The following PGBD2 variants were observed in gnomAD, a reference collection of about 807,000 sequenced individuals.
PGBD2 encodes piggyBac transposable element derived 2, also known as piggyBac transposable element-derived protein 2.
In PGBD2, 6 loss-of-function variants were observed where a neutral mutation model predicts 8.1. The observed-to-expected ratio is 0.74, with a 90% CI of 0.40 to 1.46. PGBD2 has a LOEUF of 1.46. Among genes scored for constraint, PGBD2 ranks in the 40% most tolerant of loss-of-function variants. The pLI, the probability that PGBD2 is intolerant of heterozygous loss-of-function variation, is 0.02. For synonymous variants in PGBD2, 318 were observed against 272.2 expected (o/e 1.17, Z -1.66); for missense variants, 802 against 739.0 (o/e 1.09, Z -0.99).
chr1:248,919,378 T>C (rs1030661808), downstream of PGBD2: 1 of 166,688 alleles, frequency 6.0e-6, no homozygotes, highest in Non-Finnish European at 1.5e-5. Flanking sequence ...CTTAACATAA[T>C]GACCTCCAGT....
rs1237142154 is a variant in PGBD2, at chr1:248,916,761, A to G, written c.177A>G (p.Ser59=). 7 of 1,614,032 alleles carry G rather than the reference A, an allele frequency of 4.3e-6. No individual in the cohort carries two copies. Among genetic ancestry groups the G allele is most frequent in the Non-Finnish European group, 5.9e-6 (7 of 1,180,026 alleles). The change falls in exon 3 of 3, where the codon TCA becomes TCG. Residue 59 remains serine (S), a synonymous_variant. Transcript: ENST00000329291. The part of the protein sequence containing the change: ...NAAGEFTDED[S]GDEDSQRGAH... ...CGGGGGAATTCACTGATGAGGACTC[A>G]GGGGATGAAGACAGCCAGCGAGGTG...
At chr1:248,874,268 A>G in the PGBD2 span, among the ~76,000 whole-genome samples, 13 of 152,268 alleles carry the variant, frequency 8.5e-5, no homozygotes, top group Admixed American at 3.3e-4. Flanking sequence ...TCTAGTGGTT[A>G]GGATTCGGCG....
upstream of PGBD2, among the ~76,000 whole-genome samples, chr1:248,902,975 C>T (rs373198813): frequency 1.9e-3 from 292 of 152,182 alleles, 1 homozygote; most frequent in African/African-American, 6.2e-3. Context: ...ACCTATATAA[C>T]AAACCTGCAC....
At chr1:248,873,002 C>T in the PGBD2 span, among the ~76,000 whole-genome samples, 1 of 151,818 alleles carries the variant, frequency 6.6e-6, no homozygotes, top group Non-Finnish European at 1.5e-5. Flanking sequence ...TTTGGTTTTT[C>T]CTCACACTCT....
At chr1:248,909,728 T>A (rs1332501101) in intron 1 of PGBD2, among the ~76,000 whole-genome samples, 1 of 151,964 alleles carries the variant, frequency 6.6e-6, no homozygotes, top group African/African-American at 2.4e-5. Flanking sequence ...TTGCAGGGGA[T>A]CCCATAGGCA....
chr1:248,903,932 A>G (rs893758006), upstream of PGBD2, among the ~76,000 whole-genome samples: 5 of 152,236 alleles, frequency 3.3e-5, no homozygotes, highest in African/African-American at 1.2e-4. Flanking sequence ...GGTGTTATTT[A>G]GTCAATGCGA....
the PGBD2 span, among the ~76,000 whole-genome samples, chr1:248,878,323 G>A: frequency 0.035 from 5,340 of 152,082 alleles, 301 homozygotes; most frequent in African/African-American, 0.12. Context: ...GGGACTACGG[G>A]GCCCGCCACC....
At chr1:248,919,639 A>G (rs1184235943), downstream of PGBD2, 3 of 166,576 alleles carry the variant, frequency 1.8e-5, no homozygotes, top group African/African-American at 4.8e-5. Flanking sequence ...TGGTAGCTCT[A>G]TTTTTAGTTT....
chr1:248,874,961 A>T, the PGBD2 span, among the ~76,000 whole-genome samples: 1 of 143,132 alleles, frequency 7.0e-6, no homozygotes, highest in Non-Finnish European at 1.5e-5. Context: ...TAGATAGACA[A>T]ATAGATAGAG....
chr1:248,904,514 G>T (rs1176294066), upstream of PGBD2, among the ~76,000 whole-genome samples: 1 of 152,018 alleles, frequency 6.6e-6, no homozygotes, highest in African/African-American at 2.4e-5. Context: ...ATTCTCTCTG[G>T]ATCATAAAGG....
chr1:248,918,026 A>C lies in PGBD2; in HGVS notation c.1442A>C (p.Lys481Thr). Residue 481 changes from lysine (K) to threonine (T), a missense_variant, in exon 3 of 3, where the codon AAG becomes ACG. By Grantham distance (78) the Lys-to-Thr change is moderately conservative (BLOSUM62 -1). Coordinates refer to ENST00000329291, the MANE Select transcript of PGBD2 (RefSeq NM_170725.3). ...TACAAGGTGAAGATCCGAGGCATGA[A>C]GTGGTACTCAAGCTTTATTGGCTAT... ...AKYKVKIRGM[K>T]WYSSFIGYVI... 6.2e-7 allele frequency: 1 copy of C among 1,614,160 alleles called. No individual in the cohort carries two copies. The highest frequency in any genetic ancestry group is 1.1e-5 in the South Asian group (1 of 91,088).
Position 248,917,855 on chromosome 1 carries a change from A to C in PGBD2, c.1271A>C (p.Asn424Thr), listed in dbSNP as rs752214406. Reference protein sequence around the residue: ...HDSSVVNICSNAVGIEPVRLT... With the variant: ...HDSSVVNICSTAVGIEPVRLT... ...AGCAGCGTGGTCAACATTTGCTCCA[A>C]TGCTGTGGGCATAGAGCCAGTGAGG... The change falls in exon 3 of 3, where the codon AAT becomes ACT. Residue 424 changes from asparagine (N) to threonine (T), a missense_variant. Coordinates refer to ENST00000329291, the MANE Select transcript of PGBD2 (RefSeq NM_170725.3). 12 of 1,614,104 alleles carry C rather than the reference A, an allele frequency of 7.4e-6. No homozygotes were observed. Among genetic ancestry groups the C allele is most frequent in the Non-Finnish European group, 1.0e-5 (12 of 1,180,048 alleles).
At chr1:248,903,282 T>G (rs1318380101), upstream of PGBD2, among the ~76,000 whole-genome samples, 1 of 152,166 alleles carries the variant, frequency 6.6e-6, no homozygotes, top group Non-Finnish European at 1.5e-5. Flanking sequence ...CATTGAGGTC[T>G]CAAACTCCTG....
chr1:248,917,574 G>T lies in PGBD2; in HGVS notation c.990G>T (p.Met330Ile). Residue 330 changes from methionine (M) to isoleucine (I), a missense_variant, in exon 3 of 3, where the codon ATG (methionine) becomes ATT (isoleucine). Physicochemically the swap from Met to Ile is conservative, Grantham distance 10. Transcript: ENST00000329291. ...GGAGCTTGGATCTAGGAGGCAGTAT[G>T]GTAATAAAATTTGTGGATGCGCTTC... is the stretch of plus-strand genomic sequence containing the variant. Reference protein sequence around the residue: ...PDRSLDLGGSMVIKFVDALQE... With the variant: ...PDRSLDLGGSIVIKFVDALQE... 6.2e-7 allele frequency: 1 copy of T among 1,614,164 alleles called. No homozygotes were observed. Among genetic ancestry groups the T allele is most frequent in the Non-Finnish European group, 8.5e-7 (1 of 1,180,040 alleles).
chr1:248,922,612 T>C (rs147126747), downstream of PGBD2, among the ~76,000 whole-genome samples: 2,682 of 152,300 alleles, frequency 0.018, 92 homozygotes, highest in African/African-American at 0.061. Context: ...ACAGCTCTTA[T>C]TATTTTGAGA....
the PGBD2 span, among the ~76,000 whole-genome samples, chr1:248,884,691 G>T: frequency 6.6e-6 from 1 of 152,184 alleles, no homozygotes; most frequent in Non-Finnish European, 1.5e-5. Flanking sequence ...GCCTGAAAAG[G>T]TGGGCTATCT....
chr1:248,874,279 C>A, the PGBD2 span, among the ~76,000 whole-genome samples: 5 of 152,166 alleles, frequency 3.3e-5, no homozygotes, highest in African/African-American at 1.2e-4. Flanking sequence ...GGATTCGGCG[C>A]TCTCACCGCC....
chr1:248,907,337 C>T (rs539243601), intron 1 of PGBD2, among the ~76,000 whole-genome samples: 199 of 152,336 alleles, frequency 1.3e-3, no homozygotes, highest in African/African-American at 4.5e-3. Flanking sequence ...GGCAGTTTTT[C>T]TCCTATCTCA....
At chr1:248,923,450 A>G (rs573803771), downstream of PGBD2, among the ~76,000 whole-genome samples, 22 of 151,850 alleles carry the variant, frequency 1.4e-4, no homozygotes, top group Non-Finnish European at 2.5e-4. Flanking sequence ...TCATGTCTCT[A>G]TCACCTTGAG....
Sources: allele counts gnomAD v4.1 joint callset (sites outside exome capture counted in the v4.1 genomes callset), GRCh38; gene constraint gnomAD v4.1.1; transcripts MANE v1.5; gene names NCBI Gene and HGNC (gene_info 2026-07-23, HGNC 2026-07-21).